The following MRTFB variants were observed in gnomAD, a reference collection of about 807,000 sequenced individuals.
MRTFB encodes myocardin-related transcription factor B.
MRTFB carries 29 observed loss-of-function variants against 104.2 expected under a neutral mutation model. The ratio of observed to expected loss-of-function variants is 0.28; its 90% CI spans 0.21 to 0.38. The LOEUF (loss-of-function observed/expected upper bound fraction) is 0.38. Among genes scored for constraint, MRTFB ranks in the 10% least tolerant of loss-of-function variants. MRTFB has a pLI of 1.00. For missense variants in MRTFB, 1,270 were observed against 1,341.6 expected, an observed-to-expected ratio of 0.95 and a Z score of 0.83; for synonymous variants, 535 against 519.5, an observed-to-expected ratio of 1.03 and a Z score of -0.41.
chr16:14,051,915 T>C, the MRTFB span, among the ~76,000 whole-genome samples: 3 of 152,190 alleles, frequency 2.0e-5, no homozygotes, highest in Non-Finnish European at 4.4e-5. Flanking sequence ...GATTTTGAGC[T>C]CTCCCTGGAC....
At chr16:14,077,960 C>T (rs190609258) in intron 1 of MRTFB, among the ~76,000 whole-genome samples, 1 of 152,324 alleles carries the variant, frequency 6.6e-6, no homozygotes, top group African/African-American at 2.4e-5. Context: ...AGAACAAATT[C>T]AGCCTGGCGT....
chr16:14,000,766 C>G, the MRTFB span, among the ~76,000 whole-genome samples: 1 of 152,230 alleles, frequency 6.6e-6, no homozygotes, highest in African/African-American at 2.4e-5. Context: ...CCCTTCCCAT[C>G]ACACAGTGTC....
intron 8 of MRTFB, among the ~76,000 whole-genome samples, chr16:14,220,483 G>T (rs182821459): frequency 6.6e-4 from 100 of 152,274 alleles, no homozygotes; most frequent in Non-Finnish European, 1.2e-3. Context: ...TGTATTGCTG[G>T]TACTACTGTG....
chr16:14,235,041 C>T (rs2042433223), intron 9 of MRTFB, among the ~76,000 whole-genome samples: 1 of 152,132 alleles, frequency 6.6e-6, no homozygotes, highest in Admixed American at 6.5e-5. Context: ...GATGGGGAGA[C>T]TGAGGCCCAA....
At chr16:14,116,689 T>C (rs1396125995) in intron 2 of MRTFB, among the ~76,000 whole-genome samples, 2 of 152,198 alleles carry the variant, frequency 1.3e-5, no homozygotes, top group East Asian at 1.9e-4. Flanking sequence ...GGGGTGGTCA[T>C]TGTAAGCACC....
At position 14,262,265 on chromosome 16, in the gene MRTFB, C is replaced by T. The variant is rs1011748292; in HGVS notation, c.*821C>T. ...GACATTGTGATTTGTACAGCCTACG[C>T]TGGGGTAAGGAAATGGGTATCCAAG... On this transcript the variant is annotated 3_prime_UTR_variant, in exon 17 of 17. Coordinates refer to ENST00000571589, the MANE Select transcript of MRTFB (RefSeq NM_001308142.2). The T allele has an allele frequency of 6.6e-6, 1 of 152,188 alleles. No individual in the cohort carries two copies. The highest frequency in any genetic ancestry group is 2.4e-5 in the African/African-American group (1 of 41,448). The allele number at this position is 152,188 out of a possible 1,614,324, so 9.4% of individuals were successfully genotyped here. A position where few individuals can be genotyped will look rare whatever the true frequency, so the allele number is the denominator to read the frequency against.
chr16:14,032,618 T>C, the MRTFB span, among the ~76,000 whole-genome samples: 2 of 152,154 alleles, frequency 1.3e-5, no homozygotes, highest in Non-Finnish European at 2.9e-5. Context: ...GAACCTCCAA[T>C]TTGTCAGACA....
At chr16:14,170,963 T>C (rs758477858) in intron 3 of MRTFB, among the ~76,000 whole-genome samples, 2 of 152,234 alleles carry the variant, frequency 1.3e-5, no homozygotes, top group African/African-American at 4.8e-5. Flanking sequence ...TATTAACTTA[T>C]ATGATTATAG....
chr16:14,008,900 G>C, the MRTFB span, among the ~76,000 whole-genome samples: 6 of 105,192 alleles, frequency 5.7e-5, no homozygotes, highest in African/African-American at 1.2e-4. Flanking sequence ...TACTTCTTTG[G>C]TTAAATGTAT....
intron 3 of MRTFB, chr16:14,152,009 T>G (rs1243833258): frequency 6.6e-6 from 1 of 152,220 alleles, no homozygotes. Flanking sequence ...GTGCTTGTTC[T>G]GAAGAGATTA....
the MRTFB span, among the ~76,000 whole-genome samples, chr16:14,016,387 G>C: frequency 3.3e-5 from 5 of 151,322 alleles, no homozygotes; most frequent in Admixed American, 6.6e-5. Context: ...TTTTAGGTGG[G>C]TCCCACTCAA....
rs535584738 is a variant in MRTFB, at chr16:14,228,770, G to A, written c.694-5376G>A. Among the ~76,000 whole-genome samples the A allele has an allele frequency of 3.1e-4, 46 of 146,830 alleles. 1 individual carries two copies. The South Asian group carries it at 8.8e-3, about 28-fold the overall frequency. ...AAAAAGGAAGCAAATTCTGCATTCC[G>A]TCATTGATGAAACTCTAGCTCATGT... On this transcript the variant is annotated intron_variant, in intron 8 of 16. Transcript: ENST00000571589.
intron 3 of MRTFB, among the ~76,000 whole-genome samples, chr16:14,195,047 G>C (rs937368694): frequency 1.3e-5 from 2 of 152,152 alleles, no homozygotes; most frequent in East Asian, 3.9e-4. Context: ...TTCTGAGGAG[G>C]TGCAAGTATC....
At chr16:14,016,319 AG>A in the MRTFB span, among the ~76,000 whole-genome samples, 1 of 151,608 alleles carries the variant, frequency 6.6e-6, no homozygotes, top group South Asian at 2.1e-4. Context: ...CCTCCCAGTC[AG>A]AAAAAAAAAA....
intron 2 of MRTFB, among the ~76,000 whole-genome samples, chr16:14,097,206 CAT>C (rs1268620937): frequency 2.0e-5 from 3 of 152,226 alleles, no homozygotes. Flanking sequence ...CAATGCCAGA[CAT>C]AGAGTATATG....
chr16:14,224,062 C>T (rs1333975935), intron 8 of MRTFB, among the ~76,000 whole-genome samples: 1 of 152,114 alleles, frequency 6.6e-6, no homozygotes, highest in East Asian at 1.9e-4. Context: ...GAAGGCAAAG[C>T]AAGCATGTCT....
intron 12 of MRTFB, 74 bp downstream of exon 12, chr16:14,247,581 T>C: frequency 7.4e-7 from 1 of 1,349,130 alleles, no homozygotes; most frequent in Non-Finnish European, 9.9e-7. Flanking sequence ...GAAGGCACCA[T>C]ACCTGAGCTC....
chr16:14,239,185 A>AAG (rs201247034), intron 9 of MRTFB, among the ~76,000 whole-genome samples: 20,754 of 152,182 alleles, frequency 0.14, 3,344 homozygotes, highest in African/African-American at 0.39. Flanking sequence ...ATGTCAGATG[A>AAG]AGAGAGAAAG....
intron 12 of MRTFB, chr16:14,247,954 C>G (rs529533286): frequency 6.3e-6 from 1 of 158,742 alleles, no homozygotes; most frequent in Non-Finnish European, 1.4e-5. Context: ...GGAGTTCCCC[C>G]AAGGATGGAG....
Sources: gnomAD v4.1 joint callset for allele counts (sites outside exome capture counted in the v4.1 genomes callset) on GRCh38, gnomAD v4.1.1 for gene constraint, MANE v1.5 for transcripts, NCBI Gene and HGNC (gene_info 2026-07-23, HGNC 2026-07-21) for gene names.